Variants in TAFAZZIN observed in about 807,000 individuals in gnomAD.
TAFAZZIN encodes the protein protein G4.5.
In TAFAZZIN, 6 loss-of-function variants were observed where a neutral mutation model predicts 27.3. That is an observed-to-expected ratio of 0.22 (90% CI 0.12 to 0.43). TAFAZZIN has a LOEUF of 0.43. Among genes scored for constraint, TAFAZZIN ranks in the 20% least tolerant of loss-of-function variants. The probability of loss-of-function intolerance (pLI) is 1.00; values close to 1 mark genes in which losing one functional copy is unlikely to be tolerated. For synonymous variants in TAFAZZIN, 79 were observed against 96.2 expected (o/e 0.82, Z 1.04); for missense variants, 127 against 244.5 (o/e 0.52, Z 3.21).
intron 5 of TAFAZZIN, 37 bp from the exon 6 acceptor site, chrX:154,419,506 G>A (rs1557193766): frequency 8.3e-7 from 1 of 1,201,344 alleles, no homozygotes; most frequent in East Asian, 3.0e-5. Flanking sequence ...ACGCCCCCGA[G>A]AATGGTTACT....
chrX:154,419,165 A>G, intron 5 of TAFAZZIN: 1 of 264,023 alleles, frequency 3.8e-6, no homozygotes, highest in Non-Finnish European at 6.9e-6. Flanking sequence ...CTGGTGAGCC[A>G]CTGAAGATGG....
At chrX:154,415,795 C>A (rs1294958881) in intron 5 of TAFAZZIN, among the ~76,000 whole-genome samples, 1 of 100,705 alleles carries the variant, frequency 9.9e-6, no homozygotes, top group Non-Finnish European at 2.0e-5. Flanking sequence ...GTGGGAGAAT[C>A]GCTTGAACCC....
chrX:154,412,921 G>T (rs909376057), intron 2 of TAFAZZIN: 19 of 402,607 alleles, frequency 4.7e-5, no homozygotes, highest in Admixed American at 1.6e-4. Flanking sequence ...GCCTAGACTG[G>T]GCTGGTTGCA....
At chrX:154,415,511 G>A (rs2068459731) in intron 5 of TAFAZZIN, among the ~76,000 whole-genome samples, 1 of 111,355 alleles carries the variant, frequency 9.0e-6, no homozygotes. Context: ...TAGGTGGGTA[G>A]ATAGGTAGGT....
At position 154,413,226 on chromosome X, in the gene TAFAZZIN, C is replaced by T; in HGVS notation, c.258C>T (p.His86=). 1 of 1,212,186 alleles carries T rather than the reference C, an allele frequency of 8.2e-7. No homozygotes were observed. The highest frequency in any genetic ancestry group is 1.1e-6 in the Non-Finnish European group (1 of 895,571). The part of the protein sequence containing the change: ...PHLWGILKLR[H]IWNLKLMRWT... Reference sequence around the variant, plus strand: ...CTCTAGGGATCCTGAAACTCCGCCACATCTGGAACCTGAAGTTGATGCGTT... The same window carrying T: ...CTCTAGGGATCCTGAAACTCCGCCATATCTGGAACCTGAAGTTGATGCGTT... Residue 86 remains histidine (H), a synonymous_variant, in exon 3 of 11, where the codon CAC becomes CAT. Transcript: ENST00000601016.
intron 1 of TAFAZZIN, 65 bp from the exon 2 acceptor site, chrX:154,412,021 G>A (rs782506570): frequency 1.7e-6 from 2 of 1,204,529 alleles, no homozygotes; most frequent in East Asian, 6.0e-5. Context: ...GACTTAGGGT[G>A]GGGGACGCCG....
At chrX:154,415,591 T>C (rs2068463896) in intron 5 of TAFAZZIN, among the ~76,000 whole-genome samples, 1 of 111,441 alleles carries the variant, frequency 9.0e-6, no homozygotes, top group Non-Finnish European at 1.9e-5. Context: ...ATTGATTAGA[T>C]AGATTAGATA....
chrX:154,412,851 C>G, intron 2 of TAFAZZIN: 1 of 322,650 alleles, frequency 3.1e-6, no homozygotes, highest in South Asian at 3.7e-5. Flanking sequence ...GGAGAAAGGC[C>G]TATAGATGTC....
chrX:154,419,930 A>G, intron 7 of TAFAZZIN, 102 bp from the exon 8 acceptor site: 3 of 1,127,662 alleles, frequency 2.7e-6, no homozygotes, highest in Non-Finnish European at 3.7e-6. Flanking sequence ...AGGGAGCTGA[A>G]TTGAACTGGA....
At chrX:154,416,655 G>T (rs782320774) in intron 5 of TAFAZZIN, among the ~76,000 whole-genome samples, 1 of 111,393 alleles carries the variant, frequency 9.0e-6, no homozygotes, top group African/African-American at 3.3e-5. Context: ...GTGAGGAAGA[G>T]AACTCAAAGA....
At chrX:154,413,061 G>C in intron 2 of TAFAZZIN, 146 bp from the exon 3 acceptor site, 2 of 763,963 alleles carry the variant, frequency 2.6e-6, no homozygotes, top group Non-Finnish European at 4.0e-6. Context: ...AGAACTGAAT[G>C]ATCTGGCCTA....
intron 2 of TAFAZZIN, 52 bp downstream of exon 2, chrX:154,412,266 G>C: frequency 8.6e-7 from 1 of 1,167,671 alleles, no homozygotes. Flanking sequence ...GATTCGGGAC[G>C]GGCCCAGCCT....
At position 154,421,328 on chromosome X, in the gene TAFAZZIN, C is replaced by A; in HGVS notation, c.*324C>A. 2.5e-6 allele frequency: 1 copy of A among 404,004 alleles called. No individual in the cohort carries two copies. Among genetic ancestry groups the A allele is most frequent in the Non-Finnish European group, 4.6e-6 (1 of 217,565 alleles). The allele number at this position is 404,004 out of a possible 1,213,427, so 33.3% of individuals were successfully genotyped here. Reference sequence around the variant, plus strand: ...GTGAGCAACCAGTTGGCTAGGGGAGCAGGGGGCCCACCAGAGCTGTGGAGA... The same window carrying A: ...GTGAGCAACCAGTTGGCTAGGGGAGAAGGGGGCCCACCAGAGCTGTGGAGA... On this transcript the variant is annotated 3_prime_UTR_variant, in exon 11 of 11. Coordinates refer to ENST00000601016, the MANE Select transcript of TAFAZZIN (RefSeq NM_000116.5).
chrX:154,420,102 TG>T lies in TAFAZZIN; in HGVS notation c.646+12del. ...TGCCCCTGTGGCATGTCGGTGAGCC[TG>T]GGGACGGGGACAGAGAGATGGCATC... On this transcript the variant is annotated intron_variant, in intron 8 of 10. Coordinates refer to ENST00000601016, the MANE Select transcript of TAFAZZIN (RefSeq NM_000116.5). 3.3e-6 allele frequency: 4 copies of T among 1,211,020 alleles called. No individual in the cohort carries two copies. The highest frequency in any genetic ancestry group is 4.5e-6 in the Non-Finnish European group (4 of 895,008).
chrX:154,416,196 G>A (rs1557192918), intron 5 of TAFAZZIN, among the ~76,000 whole-genome samples: 3 of 112,057 alleles, frequency 2.7e-5, no homozygotes, highest in East Asian at 5.6e-4. Context: ...TCAGGAGATC[G>A]AGACCATCCT....
intron 5 of TAFAZZIN, among the ~76,000 whole-genome samples, chrX:154,416,241 C>T (rs1407181163): frequency 1.5e-4 from 17 of 111,412 alleles, no homozygotes; most frequent in African/African-American, 5.5e-4. Flanking sequence ...CTACTAAAAA[C>T]ACAAAATTAG....
chrX:154,420,770 C>T (rs782734609), intron 10 of TAFAZZIN, 35 bp downstream of exon 10: 10 of 1,198,283 alleles, frequency 8.3e-6, no homozygotes, highest in East Asian at 3.0e-5. Context: ...TAGCTGTCCC[C>T]GGACCCCCTG....
At position 154,414,990 on chromosome X, in the gene TAFAZZIN, GA is replaced by G. The variant is rs1160162016; in HGVS notation, c.460+819del. Among the ~76,000 whole-genome samples the G allele has an allele frequency of 3.7e-3, 271 of 72,705 alleles. 3 individuals are homozygous for G. The highest frequency in any genetic ancestry group is 5.0e-3 in the African/African-American group (100 of 19,816). The allele number at this position is 72,705 out of a possible 115,157, so 63.1% of individuals were successfully genotyped here. A position where few individuals can be genotyped will look rare whatever the true frequency, so the allele number is the denominator to read the frequency against. ...GGCAATAAGAGCGAAACTCCGTCTG[GA>G]AAAAAAAAAAAAAAAAAAGAATTTT... On this transcript the variant is annotated intron_variant, in intron 5 of 10. Coordinates refer to ENST00000601016, the MANE Select transcript of TAFAZZIN (RefSeq NM_000116.5).
intron 5 of TAFAZZIN, among the ~76,000 whole-genome samples, chrX:154,415,147 G>A (rs1475957415): frequency 2.7e-5 from 3 of 110,182 alleles, no homozygotes; most frequent in African/African-American, 6.6e-5. Context: ...AGGCTGGAGT[G>A]CCGTGGCGTG....
Sources: gnomAD v4.1 joint callset for allele counts (sites outside exome capture counted in the v4.1 genomes callset) on GRCh38, gnomAD v4.1.1 for gene constraint, MANE v1.5 for transcripts, NCBI Gene and HGNC (gene_info 2026-07-23, HGNC 2026-07-21) for gene names.